Variants in HACE1 observed in about 807,000 individuals in gnomAD.
The protein encoded by HACE1 is E3 ubiquitin-protein ligase HACE1.
A neutral mutation model predicts 118.4 loss-of-function variants in HACE1; 73 were observed. That is an observed-to-expected ratio of 0.62 (90% CI 0.51 to 0.75). The LOEUF (loss-of-function observed/expected upper bound fraction) is 0.75, where lower values mean the gene tolerates loss of function less well. Among genes scored for constraint, HACE1 ranks in the 30% least tolerant of loss-of-function variants. HACE1 has a pLI of 0.00. For synonymous variants in HACE1, 368 were observed against 374.8 expected (o/e 0.98, Z 0.21); for missense variants, 749 against 1,102.2 (o/e 0.68, Z 4.54).
At chr6:104,734,515 A>T (rs528779883) in intron 22 of HACE1, among the ~76,000 whole-genome samples, 1 of 152,228 alleles carries the variant, frequency 6.6e-6, no homozygotes, top group African/African-American at 2.4e-5. Context: ...AGATTTTAAA[A>T]AGCTTAAAAC....
At chr6:104,827,994 A>G (rs1773500898) in intron 6 of HACE1, among the ~76,000 whole-genome samples, 1 of 152,140 alleles carries the variant, frequency 6.6e-6, no homozygotes, top group Admixed American at 6.5e-5. Context: ...TAATCCTGCC[A>G]TGTAATCTAA....
intron 4 of HACE1, among the ~76,000 whole-genome samples, chr6:104,846,107 C>G (rs1390063138): frequency 2.0e-5 from 3 of 152,176 alleles, no homozygotes; most frequent in Admixed American, 2.0e-4. Flanking sequence ...AATGCTTCCC[C>G]TTCCAAAAAT....
intron 17 of HACE1, among the ~76,000 whole-genome samples, chr6:104,773,652 T>C (rs969630092): frequency 1.6e-4 from 25 of 152,292 alleles, no homozygotes; most frequent in Non-Finnish European, 2.6e-4. Flanking sequence ...ATTACAGCTA[T>C]GGACCAACAA....
chr6:104,853,352 C>T (rs1776424886), intron 1 of HACE1, among the ~76,000 whole-genome samples: 2 of 152,138 alleles, frequency 1.3e-5, no homozygotes, highest in South Asian at 2.1e-4. Context: ...AATAAATTCA[C>T]AAAAACATGA....
At chr6:104,857,951 C>T (rs1447347250) in intron 1 of HACE1, among the ~76,000 whole-genome samples, 6 of 106,882 alleles carry the variant, frequency 5.6e-5, no homozygotes, top group Non-Finnish European at 1.0e-4. Flanking sequence ...AGTGAGACTC[C>T]GTCTCAAAAA....
intron 9 of HACE1, 64 bp from the exon 10 acceptor site, chr6:104,795,749 T>A: frequency 1.1e-6 from 1 of 950,714 alleles, no homozygotes; most frequent in Non-Finnish European, 1.7e-6. Context: ...ATCAAACAAT[T>A]AAGTACCTAT....
At chr6:104,813,897 G>A (rs753097742) in intron 6 of HACE1, among the ~76,000 whole-genome samples, 1 of 137,686 alleles carries the variant, frequency 7.3e-6, no homozygotes, top group Non-Finnish European at 1.6e-5. Flanking sequence ...TGATAACCTC[G>A]AACAGAAAAG....
intron 7 of HACE1, among the ~76,000 whole-genome samples, chr6:104,797,367 A>G (rs1769772302): frequency 6.7e-6 from 1 of 150,328 alleles, no homozygotes; most frequent in African/African-American, 2.5e-5. Context: ...TAACTTGACC[A>G]TTTGCAACTT....
At chr6:104,843,792 G>T (rs191182620) in intron 4 of HACE1, among the ~76,000 whole-genome samples, 1 of 151,554 alleles carries the variant, frequency 6.6e-6, no homozygotes, top group Non-Finnish European at 1.5e-5. Flanking sequence ...ACTGGAGGGT[G>T]AGGAGGGGGA....
At chr6:104,743,948 C>CT (rs1777121726) in intron 22 of HACE1, among the ~76,000 whole-genome samples, 1 of 151,980 alleles carries the variant, frequency 6.6e-6, no homozygotes, top group African/African-American at 2.4e-5. Context: ...ACTGGAGATG[C>CT]TTTTTAATAT....
At chr6:104,850,830 T>C (rs923523397) in intron 3 of HACE1, 77 bp downstream of exon 3, 28 of 904,020 alleles carry the variant, frequency 3.1e-5, no homozygotes, top group Non-Finnish European at 3.4e-5. Context: ...CCCAGAAATA[T>C]TGTGTGATAA....
chr6:104,783,633 T>G (rs1236991976), intron 14 of HACE1, among the ~76,000 whole-genome samples: 3 of 152,150 alleles, frequency 2.0e-5, no homozygotes, highest in Non-Finnish European at 4.4e-5. Flanking sequence ...CAGGTACACA[T>G]CTGGTAGGGG....
At chr6:104,736,371 A>T (rs1179979760) in intron 22 of HACE1, among the ~76,000 whole-genome samples, 1 of 151,872 alleles carries the variant, frequency 6.6e-6, no homozygotes, top group Non-Finnish European at 1.5e-5. Flanking sequence ...TGCAATCTCC[A>T]CCTCCCAGGC....
At chr6:104,793,043 C>A (rs1041850660) in intron 10 of HACE1, among the ~76,000 whole-genome samples, 18 of 151,354 alleles carry the variant, frequency 1.2e-4, no homozygotes, top group Admixed American at 1.1e-3. Context: ...CCGAGGCAGG[C>A]AGATCACGAG....
intron 17 of HACE1, 129 bp from the exon 18 acceptor site, chr6:104,772,203 A>C: frequency 1.7e-6 from 1 of 598,178 alleles, no homozygotes. Flanking sequence ...ATAAACTTCC[A>C]GAGAAATGTT....
intron 7 of HACE1, among the ~76,000 whole-genome samples, chr6:104,803,563 T>G (rs762767807): frequency 6.6e-6 from 1 of 152,042 alleles, no homozygotes; most frequent in African/African-American, 2.4e-5. Context: ...GCTCAACATA[T>G]GCAAATCAAT....
intron 6 of HACE1, among the ~76,000 whole-genome samples, chr6:104,823,253 G>GTGAAACACT (rs1772970609): frequency 6.6e-6 from 1 of 152,216 alleles, no homozygotes; most frequent in South Asian, 2.1e-4. Context: ...GGCCAACATG[G>GTGAAACACT]TGAAACACTG....
chr6:104,823,520 C>A (rs957274179), intron 6 of HACE1, among the ~76,000 whole-genome samples: 33 of 149,510 alleles, frequency 2.2e-4, no homozygotes, highest in Non-Finnish European at 2.4e-4. Flanking sequence ...TTAAAAAAAA[C>A]AGCCCGATGA....
At chr6:104,852,231 G>GCA (rs112500733) in intron 2 of HACE1, 86 bp downstream of exon 2, 141 of 737,470 alleles carry the variant, frequency 1.9e-4, no homozygotes, top group South Asian at 9.9e-5. Flanking sequence ...GTGTGTGTGC[G>GCA]CGCGTGCGCG....
Sources: allele counts gnomAD v4.1 joint callset (sites outside exome capture counted in the v4.1 genomes callset), GRCh38; gene constraint gnomAD v4.1.1; transcripts MANE v1.5; gene names NCBI Gene and HGNC (gene_info 2026-07-23, HGNC 2026-07-21).